The following IGF2BP3 variants were observed in gnomAD, a reference collection of about 807,000 sequenced individuals.
IGF2BP3 encodes insulin like growth factor 2 mRNA binding protein 3, also known as insulin-like growth factor 2 mRNA-binding protein 3.
A neutral mutation model predicts 73.8 loss-of-function variants in IGF2BP3; 9 were observed. That is an observed-to-expected ratio of 0.12 (90% CI 0.07 to 0.21). The LOEUF is 0.21. Ranked by LOEUF, IGF2BP3 falls within the 10% of genes least tolerant of loss-of-function variation. The probability of loss-of-function intolerance (pLI) is 1.00; values close to 1 mark genes in which losing one functional copy is unlikely to be tolerated. For missense variants in IGF2BP3, 542 were observed against 714.0 expected (o/e 0.76, Z 2.75); for synonymous variants, 258 against 256.7 (o/e 1.01, Z -0.05).
At chr7:23,392,433 CAT>C (rs141882109) in intron 3 of IGF2BP3, among the ~76,000 whole-genome samples, 114 of 141,662 alleles carry the variant, frequency 8.0e-4, no homozygotes, top group Admixed American at 1.9e-3. Context: ...AGCTTATCAT[CAT>C]ATATATATAT....
At chr7:23,434,475 A>G (rs538665846) in intron 2 of IGF2BP3, among the ~76,000 whole-genome samples, 5 of 152,322 alleles carry the variant, frequency 3.3e-5, no homozygotes, top group Non-Finnish European at 5.9e-5. Context: ...AATGTTTTCT[A>G]CAAGTAGGCA....
intron 3 of IGF2BP3, chr7:23,394,649 G>C (rs540901465): frequency 6.6e-6 from 1 of 152,366 alleles, no homozygotes; most frequent in South Asian, 2.1e-4. Context: ...CAGTCAGTGA[G>C]AAATTATGCA....
chr7:23,356,899 C>T (rs1459322284), intron 5 of IGF2BP3, among the ~76,000 whole-genome samples: 8 of 152,076 alleles, frequency 5.3e-5, no homozygotes, highest in African/African-American at 7.2e-5. Context: ...CAACAGAAGA[C>T]GGGATAGGAA....
chr7:23,319,800 G>C (rs1204184898), intron 10 of IGF2BP3, among the ~76,000 whole-genome samples: 1 of 152,154 alleles, frequency 6.6e-6, no homozygotes, highest in Non-Finnish European at 1.5e-5. Flanking sequence ...TCATTCAATA[G>C]TTATCACATC....
rs138930849 is a variant in IGF2BP3 at position 23,343,797 on chromosome 7, A to G, written c.998T>C (p.Val333Ala). 2 of 1,612,688 alleles carry G rather than the reference A, an allele frequency of 1.2e-6. No homozygotes were observed. The highest frequency in any genetic ancestry group is 4.5e-5 in the East Asian group (2 of 44,868). The part of the protein sequence containing the change: ...PERTITVKGN[V>A]ETCAKAEEEI... ...CTCCTCAGCTTTGGCACATGTCTCAACATTGCCTTTAACTGTAATAGTGCG... is the reference window on the plus strand; with the variant it reads ...CTCCTCAGCTTTGGCACATGTCTCAGCATTGCCTTTAACTGTAATAGTGCG... Residue 333 changes from valine to alanine, a missense_variant, in exon 9 of 15, where the codon GTT (valine) becomes GCT (alanine). Physicochemically the swap from Val to Ala is moderately conservative, Grantham distance 64. Around this residue, in one of 2 missense-constraint regions of IGF2BP3, gnomAD observed 303 missense variants for 472.1 expected, o/e 0.64. Coordinates refer to ENST00000258729, the MANE Select transcript of IGF2BP3 (RefSeq NM_006547.3).
intron 2 of IGF2BP3, among the ~76,000 whole-genome samples, chr7:23,451,344 GA>G (rs941308665): frequency 6.6e-6 from 1 of 151,918 alleles, no homozygotes; most frequent in African/African-American, 2.4e-5. Flanking sequence ...CTTGAACCCA[GA>G]AGCGGAGGCT....
At chr7:23,352,423 G>C (rs1050417712) in intron 5 of IGF2BP3, among the ~76,000 whole-genome samples, 1 of 151,686 alleles carries the variant, frequency 6.6e-6, no homozygotes, top group Non-Finnish European at 1.5e-5. Flanking sequence ...CAAGTAACTG[G>C]GATTATAGGC....
chr7:23,378,763 G>A (rs1360527158), intron 3 of IGF2BP3, among the ~76,000 whole-genome samples: 3 of 151,652 alleles, frequency 2.0e-5, no homozygotes, highest in East Asian at 3.9e-4. Flanking sequence ...TAGTAGAGAC[G>A]GGGTTTCACC....
At chr7:23,407,954 G>A (rs1298385733) in intron 3 of IGF2BP3, among the ~76,000 whole-genome samples, 2 of 24,108 alleles carry the variant, frequency 8.3e-5, no homozygotes, top group Admixed American at 6.7e-4. Flanking sequence ...GGCAGGGGGC[G>A]GGGGGCGGGG....
chr7:23,469,854 G>C lies in IGF2BP3; in HGVS notation c.175+82C>G, dbSNP rs897130554. 1.1e-5 allele frequency: 11 copies of C among 1,001,582 alleles called. No homozygotes were observed. The highest frequency in any genetic ancestry group is 8.7e-5 in the Admixed American group (2 of 22,886). 62.0% of individuals were successfully genotyped at this position (1,001,582 alleles called of 1,614,324 possible). A position where few individuals can be genotyped will look rare whatever the true frequency, so the allele number is the denominator to read the frequency against. On this transcript the variant is annotated intron_variant, in intron 1 of 14. Transcript: ENST00000258729. This position sits in a 1 kb window ranked among gnomAD's most constrained non-coding sequence, Gnocchi z 6.1. ...CGCTCCCCCAGCGCGCCGGGCCTGGGGCCCGCGGAGCCACCCGGTGGGCCT... is the reference window on the plus strand; with the variant it reads ...CGCTCCCCCAGCGCGCCGGGCCTGGCGCCCGCGGAGCCACCCGGTGGGCCT...
intron 6 of IGF2BP3, 68 bp downstream of exon 6, chr7:23,351,237 C>T (rs748039517): frequency 1.1e-4 from 173 of 1,555,598 alleles, no homozygotes; most frequent in East Asian, 2.0e-4. Flanking sequence ...AGTACCAGAA[C>T]GACACACTGT....
At chr7:23,444,449 T>C (rs1788007842) in intron 2 of IGF2BP3, among the ~76,000 whole-genome samples, 1 of 152,032 alleles carries the variant, frequency 6.6e-6, no homozygotes. Flanking sequence ...ACCTTTAAAA[T>C]TGCTTTTTAG....
intron 10 of IGF2BP3, among the ~76,000 whole-genome samples, chr7:23,331,539 A>G (rs1368542671): frequency 6.6e-6 from 1 of 152,136 alleles, no homozygotes; most frequent in East Asian, 1.9e-4. Context: ...ACAAAAAACA[A>G]ACAAAAAAAG....
intron 10 of IGF2BP3, among the ~76,000 whole-genome samples, chr7:23,326,836 A>G (rs1269232245): frequency 1.4e-5 from 2 of 142,888 alleles, no homozygotes; most frequent in African/African-American, 5.2e-5. Context: ...CAAACACCGC[A>G]TATTCTCACT....
intron 2 of IGF2BP3, among the ~76,000 whole-genome samples, chr7:23,429,828 C>T (rs1787621318): frequency 6.6e-6 from 1 of 152,120 alleles, no homozygotes; most frequent in South Asian, 2.1e-4. Context: ...CAAGTCAAGT[C>T]CCAATGCAAG....
At chr7:23,468,698 C>T (rs559740919) in intron 1 of IGF2BP3, among the ~76,000 whole-genome samples, 156 bp from the exon 2 acceptor site, 20 of 152,372 alleles carry the variant, frequency 1.3e-4, no homozygotes, top group African/African-American at 4.3e-4. Flanking sequence ...AGAAGCCGAC[C>T]CCCTCGAGCG....
chr7:23,317,544 TTC>T, intron 12 of IGF2BP3, 93 bp downstream of exon 12: 1 of 863,652 alleles, frequency 1.2e-6, no homozygotes, highest in South Asian at 1.5e-5. Context: ...CATTGACTCT[TTC>T]TGAGATTTAG....
At chr7:23,415,290 G>A (rs1453964310) in intron 3 of IGF2BP3, 1 of 245,900 alleles carries the variant, frequency 4.1e-6, no homozygotes, top group Non-Finnish European at 8.1e-6. Context: ...CTGTACGTCA[G>A]TCAGCATCAC....
intron 2 of IGF2BP3, among the ~76,000 whole-genome samples, chr7:23,420,112 G>A (rs1462812940): frequency 6.6e-6 from 1 of 152,132 alleles, no homozygotes; most frequent in Admixed American, 6.5e-5. Context: ...TAGTCAACTA[G>A]CTATTAAAAA....
Sources: gnomAD v4.1 joint callset for allele counts (sites outside exome capture counted in the v4.1 genomes callset) on GRCh38, gnomAD v4.1.1 for gene constraint, gnomAD v4.1.1 regional missense constraint, Gnocchi (gnomAD v3.1) non-coding constraint, MANE v1.5 for transcripts, NCBI Gene and HGNC (gene_info 2026-07-23, HGNC 2026-07-21) for gene names.